The following ADRA1A variants were observed in gnomAD, a reference collection of about 807,000 sequenced individuals.
ADRA1A encodes the protein adrenoceptor alpha 1A.
Under a neutral mutation model 29.6 loss-of-function variants are expected in ADRA1A, and 31 were observed. The ratio of observed to expected loss-of-function variants is 1.05; its 90% CI spans 0.79 to 1.41. The LOEUF (loss-of-function observed/expected upper bound fraction) is 1.41, where lower values mean the gene tolerates loss of function less well. Ranked by LOEUF, ADRA1A falls within the 40% of genes most tolerant of loss-of-function variation. The probability of loss-of-function intolerance (pLI) is 0.00; values close to 1 mark genes in which losing one functional copy is unlikely to be tolerated. For missense variants in ADRA1A, 619 were observed against 601.1 expected (o/e 1.03, Z -0.31); for synonymous variants, 311 against 254.3 (o/e 1.22, Z -2.12).
Position 26,864,720 on chromosome 8 carries a change from CGGA to C in ADRA1A, c.247_249del (p.Ser83del). ...CAGTAGCCTAGGACCTCGAAGATGGCGGAGAAGGGCAGCACCGTGGAGGTGAGC... is the reference window on the plus strand; with the variant it reads ...CAGTAGCCTAGGACCTCGAAGATGGCGAAGGGCAGCACCGTGGAGGTGAGC... On this transcript the variant is annotated inframe_deletion, in exon 2 of 3. Coordinates refer to ENST00000380573, the MANE Select transcript of ADRA1A (RefSeq NM_000680.4). The surrounding 1 kb of genome is among the most constrained non-coding windows in gnomAD (Gnocchi z 8.1). 6.2e-7 allele frequency: 1 copy of C among 1,614,120 alleles called. No individual in the cohort carries two copies.
At chr8:26,763,298 T>C (rs1265620523), downstream of ADRA1A, among the ~76,000 whole-genome samples, 1 of 152,122 alleles carries the variant, frequency 6.6e-6, no homozygotes, top group East Asian at 1.9e-4. The surrounding 1 kb of genome is among the most constrained non-coding windows in gnomAD (Gnocchi z 4.5). Flanking sequence ...GACTTCCACT[T>C]GGGCAGGTCC....
At chr8:26,838,657 A>C (rs1429597280) in intron 2 of ADRA1A, among the ~76,000 whole-genome samples, 1 of 152,208 alleles carries the variant, frequency 6.6e-6, no homozygotes, top group Non-Finnish European at 1.5e-5. Flanking sequence ...GAAGCTTCCC[A>C]ATGGCACAAA....
intron 2 of ADRA1A, among the ~76,000 whole-genome samples, chr8:26,846,215 G>A (rs1275815890): frequency 2.0e-5 from 3 of 152,144 alleles, no homozygotes; most frequent in African/African-American, 7.2e-5. Context: ...TAAGATGTTG[G>A]CAACACAGTA....
intron 2 of ADRA1A, among the ~76,000 whole-genome samples, chr8:26,842,866 TACAC>T (rs57750998): frequency 0.026 from 3,711 of 142,690 alleles, 50 homozygotes; most frequent in Middle Eastern, 0.049. Flanking sequence ...TCTCTCTTTC[TACAC>T]ACACACACAC....
intron 2 of ADRA1A, among the ~76,000 whole-genome samples, chr8:26,820,571 C>G (rs1395425135): frequency 6.6e-6 from 1 of 152,150 alleles, no homozygotes; most frequent in Non-Finnish European, 1.5e-5. Flanking sequence ...TTTTCACCAC[C>G]TTCCCCATGA....
At chr8:26,756,657 C>T (rs755591866) in exon 3 of ADRA1A, 10 of 1,605,990 alleles carry the variant, frequency 6.2e-6, no homozygotes, top group Non-Finnish European at 8.5e-6. Flanking sequence ...TCCTGGGCTC[C>T]TGGGGTGGAT....
chr8:26,823,641 G>C lies in ADRA1A; in HGVS notation c.883+40446C>G, dbSNP rs547302882. On this transcript the variant is annotated intron_variant, in intron 2 of 2. Coordinates refer to ENST00000380573, the MANE Select transcript of ADRA1A (RefSeq NM_000680.4). This position sits in a 1 kb window ranked among gnomAD's most constrained non-coding sequence, Gnocchi z 4.2. The stretch of plus-strand genomic sequence containing the variant: ...GTCACCACCTATCTAAGTGGCACCA[G>C]GAAGCCCACCTTCCTTTTTCCTATA... Among the ~76,000 whole-genome samples the C allele has an allele frequency of 5.9e-4, 90 of 152,268 alleles. No individual in the cohort carries two copies. The highest frequency in any genetic ancestry group is 1.6e-3 in the Admixed American group (25 of 15,292).
At chr8:26,791,556 G>T (rs1807836535) in intron 2 of ADRA1A, among the ~76,000 whole-genome samples, 1 of 152,168 alleles carries the variant, frequency 6.6e-6, no homozygotes, top group Non-Finnish European at 1.5e-5. Flanking sequence ...GTGAGGTTGG[G>T]TGCCACGAAG....
intron 2 of ADRA1A, among the ~76,000 whole-genome samples, chr8:26,829,063 G>A (rs1440588668): frequency 4.6e-5 from 7 of 152,136 alleles, no homozygotes; most frequent in Non-Finnish European, 1.5e-5. Flanking sequence ...GCGTCACATG[G>A]CAGTACATCA....
chr8:26,762,155 C>G (rs142155228), downstream of ADRA1A, among the ~76,000 whole-genome samples: 1 of 152,072 alleles, frequency 6.6e-6, no homozygotes, highest in African/African-American at 2.4e-5. This position sits in a 1 kb window ranked among gnomAD's most constrained non-coding sequence, Gnocchi z 4.0. Context: ...TAGAGACTTT[C>G]GAACCATCAG....
intron 2 of ADRA1A, among the ~76,000 whole-genome samples, chr8:26,819,687 A>T (rs1035586609): frequency 6.6e-6 from 1 of 152,156 alleles, no homozygotes; most frequent in Non-Finnish European, 1.5e-5. Flanking sequence ...GAAACATTGT[A>T]ATATAGGAAA....
At chr8:26,852,212 C>G (rs1003398040) in intron 2 of ADRA1A, among the ~76,000 whole-genome samples, 76 of 152,294 alleles carry the variant, frequency 5.0e-4, no homozygotes, top group African/African-American at 1.8e-3. Flanking sequence ...GATGACAGCA[C>G]TGCCTACCCA....
At chr8:26,783,469 C>G (rs912559734) in intron 2 of ADRA1A, among the ~76,000 whole-genome samples, 1 of 152,270 alleles carries the variant, frequency 6.6e-6, no homozygotes, top group African/African-American at 2.4e-5. Flanking sequence ...AATAAATATA[C>G]GTCTCCTATA....
intron 2 of ADRA1A, among the ~76,000 whole-genome samples, chr8:26,781,590 C>A (rs1427113930): frequency 6.6e-6 from 1 of 152,234 alleles, no homozygotes; most frequent in African/African-American, 2.4e-5. Flanking sequence ...TATGTGAAAA[C>A]AAGACCATTC....
At chr8:26,785,317 A>G (rs950649150) in intron 2 of ADRA1A, among the ~76,000 whole-genome samples, 17 of 152,320 alleles carry the variant, frequency 1.1e-4, no homozygotes, top group Non-Finnish European at 2.1e-4. Context: ...CATTCATTAC[A>G]CACATTTTGA....
rs142533283 is a variant in ADRA1A at position 26,829,054 on chromosome 8, C to T, written c.883+35033G>A. On this transcript the variant is annotated intron_variant, in intron 2 of 2. Coordinates refer to ENST00000380573, the MANE Select transcript of ADRA1A (RefSeq NM_000680.4). ...CTGGTGTGTGATAATTTTGTAAAAG[C>T]GTCACATGGCAGTACATCAGAGCCA... Among the ~76,000 whole-genome samples the T allele has an allele frequency of 2.0e-4, 31 of 152,250 alleles. No homozygotes were observed. The East Asian group carries it at 5.6e-3, about 27-fold the overall frequency.
chr8:26,813,767 AG>A (rs1484267551), intron 2 of ADRA1A, among the ~76,000 whole-genome samples: 2 of 150,608 alleles, frequency 1.3e-5, no homozygotes, highest in Middle Eastern at 3.2e-3. Context: ...CATTTTTTTA[AG>A]CTTTTTTTTC....
At chr8:26,863,080 A>G (rs112264152) in intron 2 of ADRA1A, among the ~76,000 whole-genome samples, 4 of 152,364 alleles carry the variant, frequency 2.6e-5, no homozygotes, top group African/African-American at 9.6e-5. Context: ...AGTATATGCC[A>G]TTTAAATTAG....
chr8:26,812,766 G>A (rs1404141420), intron 2 of ADRA1A, among the ~76,000 whole-genome samples: 3 of 151,698 alleles, frequency 2.0e-5, no homozygotes, highest in Admixed American at 1.3e-4. Flanking sequence ...CCGGGTTCAC[G>A]CCATTCTCCT....
Sources: gnomAD v4.1 joint callset for allele counts (sites outside exome capture counted in the v4.1 genomes callset) on GRCh38, gnomAD v4.1.1 for gene constraint, Gnocchi (gnomAD v3.1) non-coding constraint, MANE v1.5 for transcripts, NCBI Gene and HGNC (gene_info 2026-07-23, HGNC 2026-07-21) for gene names.